Variants in OXR1 observed in about 807,000 individuals in gnomAD.
OXR1 encodes oxidation resistance protein 1.
OXR1 carries 41 observed loss-of-function variants against 104.6 expected under a neutral mutation model. That is an observed-to-expected ratio of 0.39 (90% CI 0.31 to 0.51). OXR1 has a LOEUF of 0.51. OXR1 is among the 20% of genes least tolerant of loss of function. OXR1 has a pLI of 0.77. For synonymous variants in OXR1, 348 were observed against 348.4 expected (o/e 1.00, Z 0.01); for missense variants, 955 against 1,031.9 (o/e 0.93, Z 1.02).
chr8:106,733,989 A>ATTT (rs34442106), intron 11 of OXR1, among the ~76,000 whole-genome samples: 12 of 140,632 alleles, frequency 8.5e-5, no homozygotes, highest in African/African-American at 3.1e-4. Context: ...TTAATTCTGG[A>ATTT]TTTTTTTTTT....
chr8:106,546,408 A>C (rs2881315), intron 3 of OXR1, among the ~76,000 whole-genome samples: 1 of 152,228 alleles, frequency 6.6e-6, no homozygotes. Context: ...ATTCATTTTT[A>C]AAATTGTGGT....
chr8:106,480,501 C>G (rs1024950296), intron 2 of OXR1, among the ~76,000 whole-genome samples: 3 of 151,826 alleles, frequency 2.0e-5, no homozygotes, highest in Non-Finnish European at 4.4e-5. Flanking sequence ...GATTGGTTGA[C>G]TGGATATTGA....
At chr8:106,349,577 G>T (rs1488046330) in intron 1 of OXR1, among the ~76,000 whole-genome samples, 8 of 152,068 alleles carry the variant, frequency 5.3e-5, no homozygotes, top group Admixed American at 2.6e-4. Context: ...CAAAGAAAAA[G>T]ATCAACTCCA....
At chr8:106,314,133 G>A (rs1195966021) in intron 1 of OXR1, among the ~76,000 whole-genome samples, 15 of 152,160 alleles carry the variant, frequency 9.9e-5, no homozygotes, top group Admixed American at 9.8e-4. Context: ...CAGCCTGCAT[G>A]CCCAAAAGGG....
intron 2 of OXR1, among the ~76,000 whole-genome samples, chr8:106,444,165 T>C (rs1586649588): frequency 1.3e-5 from 2 of 152,254 alleles, no homozygotes; most frequent in East Asian, 1.9e-4. Flanking sequence ...CCAGTCAGAA[T>C]TGATTATTAA....
intron 11 of OXR1, chr8:106,720,661 TC>T: frequency 2.3e-6 from 2 of 878,314 alleles, no homozygotes; most frequent in Non-Finnish European, 2.7e-6. Flanking sequence ...TTGTCATAGC[TC>T]CCTTACATAC....
intron 7 of OXR1, among the ~76,000 whole-genome samples, chr8:106,696,944 C>T (rs572468314): frequency 1.3e-5 from 2 of 152,282 alleles, no homozygotes; most frequent in African/African-American, 4.8e-5. Flanking sequence ...GCTGGGGCAG[C>T]AGCTGCCACA....
chr8:106,706,075 G>T (rs2131372098), intron 8 of OXR1, among the ~76,000 whole-genome samples: 1 of 152,158 alleles, frequency 6.6e-6, no homozygotes, highest in Middle Eastern at 3.4e-3. Flanking sequence ...GCTTTACCCA[G>T]GGTTTATGTC....
chr8:106,321,993 G>A (rs1814241195), intron 1 of OXR1, among the ~76,000 whole-genome samples: 1 of 152,080 alleles, frequency 6.6e-6, no homozygotes, highest in South Asian at 2.1e-4. Flanking sequence ...GAGAAAATAA[G>A]AAAATAGTAT....
chr8:106,750,027 CAG>C (rs1258840530), intron 16 of OXR1, among the ~76,000 whole-genome samples: 1 of 151,818 alleles, frequency 6.6e-6, no homozygotes, highest in Admixed American at 6.6e-5. Flanking sequence ...TGCAGGAAAC[CAG>C]AGTTATTTAC....
rs530194684 is a variant in OXR1, at chr8:106,596,887, T to C, written c.220+77748T>C. ...GGCCAGCATGGTGAAACCCCGTCTC[T>C]ACTAACAATACAAAAATTATCTGGG... On this transcript the variant is annotated intron_variant, in intron 3 of 16. Transcript: ENST00000517566. Among the ~76,000 whole-genome samples the C allele has an allele frequency of 4.3e-4, 65 of 152,144 alleles. 1 individual carries two copies. In the South Asian group the frequency reaches 0.013, roughly 31 times the overall value.
At chr8:106,385,974 A>C (rs1332320801) in intron 2 of OXR1, among the ~76,000 whole-genome samples, 1 of 152,096 alleles carries the variant, frequency 6.6e-6, no homozygotes, top group Non-Finnish European at 1.5e-5. Flanking sequence ...AAGCCTTGGA[A>C]TGTGTGAAAA....
intron 2 of OXR1, among the ~76,000 whole-genome samples, chr8:106,511,460 A>G (rs1188232316): frequency 6.6e-6 from 1 of 152,162 alleles, no homozygotes; most frequent in East Asian, 1.9e-4. Context: ...CTTGCTGGAA[A>G]TTACTGGAAA....
intron 2 of OXR1, among the ~76,000 whole-genome samples, chr8:106,512,451 G>A (rs1323629946): frequency 3.2e-5 from 4 of 126,428 alleles, no homozygotes; most frequent in Non-Finnish European, 7.6e-5. Flanking sequence ...GTGGATAGAA[G>A]AAGATCTGTT....
chr8:106,497,510 G>C, intron 2 of OXR1, among the ~76,000 whole-genome samples: 1 of 152,170 alleles, frequency 6.6e-6, no homozygotes, highest in East Asian at 1.9e-4. Context: ...TGAGAAAGTA[G>C]TCATAGTAAA....
chr8:106,440,462 A>T (rs1315460787), intron 2 of OXR1, among the ~76,000 whole-genome samples: 2 of 152,146 alleles, frequency 1.3e-5, no homozygotes, highest in Admixed American at 1.3e-4. Flanking sequence ...TACATGGTAA[A>T]CTATTTGGTA....
chr8:106,475,502 G>A (rs1366136783), intron 2 of OXR1, among the ~76,000 whole-genome samples: 1 of 151,742 alleles, frequency 6.6e-6, no homozygotes, highest in African/African-American at 2.4e-5. Context: ...AGGCAGGAGA[G>A]GCAGGCATAC....
At chr8:106,534,956 T>G (rs1213437378) in intron 3 of OXR1, among the ~76,000 whole-genome samples, 1 of 152,044 alleles carries the variant, frequency 6.6e-6, no homozygotes, top group Non-Finnish European at 1.5e-5. Context: ...GCACGAGGTT[T>G]TTTTTGTTTT....
intron 3 of OXR1, among the ~76,000 whole-genome samples, chr8:106,562,500 G>A (rs551523269): frequency 6.6e-6 from 1 of 152,282 alleles, no homozygotes; most frequent in African/African-American, 2.4e-5. Context: ...TTAGACTGCT[G>A]TACCTGAAAG....
Sources: allele counts gnomAD v4.1 joint callset (sites outside exome capture counted in the v4.1 genomes callset), GRCh38; gene constraint gnomAD v4.1.1; transcripts MANE v1.5; gene names NCBI Gene and HGNC (gene_info 2026-07-23, HGNC 2026-07-21).